Variants in RIMBP2 observed in about 807,000 individuals in gnomAD.
The protein encoded by RIMBP2 is RIMS-binding protein 2.
RIMBP2 carries 48 observed loss-of-function variants against 118.6 expected under a neutral mutation model. The observed-to-expected ratio is 0.40, with a 90% CI of 0.32 to 0.51. The LOEUF (loss-of-function observed/expected upper bound fraction) is 0.51. Ranked by LOEUF, RIMBP2 falls within the 20% of genes least tolerant of loss-of-function variation. The pLI, the probability that RIMBP2 is intolerant of heterozygous loss-of-function variation, is 0.41. For synonymous variants in RIMBP2, 762 were observed against 742.9 expected (o/e 1.03, Z -0.42); for missense variants, 1,551 against 1,768.3 (o/e 0.88, Z 2.20).
chr12:130,713,612 G>C (rs12371154), intron 1 of RIMBP2, among the ~76,000 whole-genome samples: 1 of 152,076 alleles, frequency 6.6e-6, no homozygotes, highest in Non-Finnish European at 1.5e-5. Flanking sequence ...CAGCCGATCC[G>C]GTTCTCCCCC....
intron 1 of RIMBP2, among the ~76,000 whole-genome samples, chr12:130,695,249 G>A (rs1453292774): frequency 2.6e-5 from 4 of 152,166 alleles, no homozygotes; most frequent in African/African-American, 9.7e-5. Flanking sequence ...CTGAGTTCCT[G>A]TTCACTCTGT....
intron 6 of RIMBP2, among the ~76,000 whole-genome samples, chr12:130,459,054 A>AC (rs2079726533): frequency 6.4e-5 from 1 of 15,634 alleles, no homozygotes. Flanking sequence ...CAAAAAAAAA[A>AC]AAAAACAAAA....
intron 2 of RIMBP2, among the ~76,000 whole-genome samples, chr12:130,579,535 G>T (rs2058320499): frequency 6.6e-6 from 1 of 152,120 alleles, no homozygotes; most frequent in African/African-American, 2.4e-5. Context: ...TGGTTTTGCT[G>T]GTTTGCTTGA....
intron 2 of RIMBP2, among the ~76,000 whole-genome samples, chr12:130,531,679 C>T (rs1440634501): frequency 6.6e-6 from 1 of 152,196 alleles, no homozygotes; most frequent in African/African-American, 2.4e-5. Flanking sequence ...CATAATTACT[C>T]ACCTAGGAAT....
chr12:130,692,841 T>TA (rs1478900957), intron 1 of RIMBP2, among the ~76,000 whole-genome samples: 2 of 80,892 alleles, frequency 2.5e-5, no homozygotes, highest in Non-Finnish European at 4.9e-5. Flanking sequence ...TGGGATGGGA[T>TA]GGGATGGGAT....
At chr12:130,474,182 C>G (rs2081245630) in intron 5 of RIMBP2, among the ~76,000 whole-genome samples, 1 of 152,112 alleles carries the variant, frequency 6.6e-6, no homozygotes, top group Non-Finnish European at 1.5e-5. Flanking sequence ...TCAAGTGGAC[C>G]ACGGGCATGT....
At chr12:130,602,113 G>A (rs182366822) in intron 2 of RIMBP2, among the ~76,000 whole-genome samples, 2 of 152,276 alleles carry the variant, frequency 1.3e-5, no homozygotes, top group East Asian at 3.9e-4. Context: ...AGTCTGGCCA[G>A]TATGGCAAAA....
At chr12:130,515,679 T>G (rs939914617) in intron 3 of RIMBP2, among the ~76,000 whole-genome samples, 1 of 149,982 alleles carries the variant, frequency 6.7e-6, no homozygotes, top group Non-Finnish European at 1.5e-5. Context: ...TGTACATATA[T>G]CTATTTGAGA....
rs2078910401 is a variant in RIMBP2 at position 130,450,517 on chromosome 12, C to T, written c.505-241G>A. Among the ~76,000 whole-genome samples, 1 of 151,928 alleles carries T rather than the reference C, an allele frequency of 6.6e-6. No individual in the cohort carries two copies. On this transcript the variant is annotated intron_variant, in intron 8 of 22. Transcript: ENST00000690449. The surrounding 1 kb of genome is among the most constrained non-coding windows in gnomAD (Gnocchi z 4.8). ...CTCTGTGTTTGTAGAGAACCCAGTC[C>T]CCAAACAGGAAGGTAAGGCTCAAAG...
At chr12:130,626,156 C>T (rs2061606400) in intron 2 of RIMBP2, among the ~76,000 whole-genome samples, 1 of 152,170 alleles carries the variant, frequency 6.6e-6, no homozygotes, top group South Asian at 2.1e-4. Context: ...CAAATGATTA[C>T]CAAGTGTATA....
chr12:130,470,953 A>G (rs2080951637), intron 5 of RIMBP2, among the ~76,000 whole-genome samples: 1 of 152,222 alleles, frequency 6.6e-6, no homozygotes, highest in South Asian at 2.1e-4. Context: ...TTGCACATCC[A>G]GGGGGTCTGG....
chr12:130,577,393 G>A (rs1196630392), intron 2 of RIMBP2, among the ~76,000 whole-genome samples: 1 of 152,166 alleles, frequency 6.6e-6, no homozygotes, highest in African/African-American at 2.4e-5. Flanking sequence ...AAGAAAGGAG[G>A]TTTAAGGGAC....
rs1295090498 is a variant in RIMBP2 at position 130,451,294 on chromosome 12, G to A, written c.405C>T (p.Ile135=). The stretch of plus-strand genomic sequence containing the variant: ...TGTCACCAGGCTGCGGAAGGGGCCG[G>A]ATATATTCACCGATCGCAGAGCTGC... The part of the protein sequence containing the change: ...IGGSSAIGEY[I]RPLPQPGDRP... The change falls in exon 8 of 23, where the codon ATC becomes ATT. Residue 135 remains isoleucine, a synonymous_variant. Coordinates refer to ENST00000690449, the MANE Select transcript of RIMBP2 (RefSeq NM_001393629.1). The A allele has an allele frequency of 8.7e-6, 14 of 1,614,144 alleles. No individual in the cohort carries two copies. The highest frequency in any genetic ancestry group is 1.2e-5 in the Non-Finnish European group (14 of 1,179,990).
intron 1 of RIMBP2, among the ~76,000 whole-genome samples, chr12:130,692,313 T>C (rs1237428229): frequency 1.3e-5 from 2 of 152,182 alleles, no homozygotes; most frequent in Admixed American, 6.5e-5. Flanking sequence ...TCATGCCTCA[T>C]TGATTCCATC....
intron 1 of RIMBP2, among the ~76,000 whole-genome samples, chr12:130,659,747 C>T (rs1033589012): frequency 2.6e-5 from 4 of 151,776 alleles, no homozygotes; most frequent in African/African-American, 9.7e-5. Context: ...CCAAGGTGGG[C>T]AGATCATCTG....
At chr12:130,675,053 C>T (rs1331211184) in intron 1 of RIMBP2, among the ~76,000 whole-genome samples, 1 of 152,184 alleles carries the variant, frequency 6.6e-6, no homozygotes, top group East Asian at 1.9e-4. Context: ...GATGTTCCCA[C>T]CCATTCGTGT....
Position 130,446,019 on chromosome 12 carries a change from T to TCCCC in RIMBP2, c.582-754_582-751dup, listed in dbSNP as rs11287921. ...GAAAAACAGACGCATGATTTTATGC[T>TCCCC]CCCCCCCCCCACACCCCCAGGAATA... On this transcript the variant is annotated intron_variant, in intron 9 of 22. Coordinates refer to ENST00000690449, the MANE Select transcript of RIMBP2 (RefSeq NM_001393629.1). This position sits in a 1 kb window ranked among gnomAD's most constrained non-coding sequence, Gnocchi z 4.1. Among the ~76,000 whole-genome samples the TCCCC allele has an allele frequency of 1.7e-4, 19 of 112,710 alleles. No individual in the cohort carries two copies. Among genetic ancestry groups the TCCCC allele is most frequent in the South Asian group, 3.6e-4 (1 of 2,808 alleles). 73.9% of individuals were successfully genotyped at this position (112,710 alleles called of 152,430 possible).
At chr12:130,573,631 G>A (rs1003504216) in intron 2 of RIMBP2, among the ~76,000 whole-genome samples, 2 of 152,162 alleles carry the variant, frequency 1.3e-5, no homozygotes, top group African/African-American at 4.8e-5. Flanking sequence ...AGGGCAGGGT[G>A]GGCTGACCCC....
intron 2 of RIMBP2, among the ~76,000 whole-genome samples, chr12:130,539,348 G>A (rs2054360550): frequency 6.6e-6 from 1 of 152,156 alleles, no homozygotes; most frequent in African/African-American, 2.4e-5. Context: ...ATATGAAGGA[G>A]GAAACAAATG....
Sources: allele counts gnomAD v4.1 joint callset (sites outside exome capture counted in the v4.1 genomes callset), GRCh38; gene constraint gnomAD v4.1.1; non-coding constraint Gnocchi (gnomAD v3.1); transcripts MANE v1.5; gene names NCBI Gene and HGNC (gene_info 2026-07-23, HGNC 2026-07-21).